AHRR: variants seen among roughly 807,000 people sequenced by gnomAD.
AHRR encodes aryl hydrocarbon receptor repressor.
In AHRR, 28 loss-of-function variants were observed where a neutral mutation model predicts 44.0. The observed-to-expected ratio is 0.64, with a 90% CI of 0.47 to 0.87. The LOEUF (loss-of-function observed/expected upper bound fraction) is 0.87, where lower values mean the gene tolerates loss of function less well. AHRR is among the 40% of genes least tolerant of loss of function. The pLI is 0.00. For missense variants in AHRR, 990 were observed against 953.9 expected, an observed-to-expected ratio of 1.04 and a Z score of -0.50; for synonymous variants, 434 against 407.0, an observed-to-expected ratio of 1.07 and a Z score of -0.80.
chr5:330,301 C>G (rs1416470375), intron 1 of AHRR, among the ~76,000 whole-genome samples: 1 of 152,112 alleles, frequency 6.6e-6, no homozygotes, highest in African/African-American at 2.4e-5. Context: ...ATCCTTGTAT[C>G]CCTGATACAA....
chr5:421,860 G>A (rs1452285793), intron 5 of AHRR, among the ~76,000 whole-genome samples: 1 of 152,204 alleles, frequency 6.6e-6, no homozygotes, highest in Non-Finnish European at 1.5e-5. Flanking sequence ...ACATTCCTCT[G>A]AAGTCTTGAC....
intron 1 of AHRR, chr5:322,807 C>G (rs983230509): frequency 1.3e-5 from 2 of 152,260 alleles, no homozygotes; most frequent in Admixed American, 1.3e-4. Context: ...AACTGGAGAA[C>G]GTAGGATGCT....
In AHRR at chr5:363,222, G is replaced by A. The variant is rs111476101; in HGVS notation, c.244+9311G>A. 8.5e-5 allele frequency among the ~76,000 whole-genome samples: 13 copies of A among 152,346 alleles called. 1 individual carries two copies. The highest frequency in any genetic ancestry group is 3.1e-4 in the African/African-American group (13 of 41,582). On this transcript the variant is annotated intron_variant, in intron 3 of 10. Transcript: ENST00000684583. The stretch of plus-strand genomic sequence containing the variant: ...CCAGTGGGAGGAACAAGAGGGATAA[G>A]AGGTAAGGACAGGAGAGGTTCTGTA...
chr5:390,438 C>T (rs1195012562), intron 4 of AHRR, among the ~76,000 whole-genome samples: 16 of 152,286 alleles, frequency 1.1e-4, no homozygotes, highest in Middle Eastern at 3.4e-3. Context: ...GAAAATCAGT[C>T]GCTGCAGAAA....
chr5:421,550 C>G (rs968757766), intron 5 of AHRR, among the ~76,000 whole-genome samples: 40 of 152,362 alleles, frequency 2.6e-4, no homozygotes, highest in African/African-American at 8.7e-4. Context: ...CTAGGTTACC[C>G]TCCAGTTACA....
intron 5 of AHRR, 150 bp downstream of exon 5, chr5:413,583 C>A: frequency 1.5e-6 from 1 of 645,902 alleles, no homozygotes; most frequent in Non-Finnish European, 2.6e-6. Context: ...CACACCCCAG[C>A]TTTGTCTAGG....
At chr5:355,430 G>A (rs1312490018) in intron 3 of AHRR, among the ~76,000 whole-genome samples, 1 of 152,240 alleles carries the variant, frequency 6.6e-6, no homozygotes, top group Non-Finnish European at 1.5e-5. Context: ...TCTGGACAGC[G>A]CAGGAAGGGC....
At chr5:399,997 T>C (rs949964347) in intron 4 of AHRR, among the ~76,000 whole-genome samples, 5 of 152,186 alleles carry the variant, frequency 3.3e-5, no homozygotes, top group African/African-American at 1.2e-4. Flanking sequence ...GAGCGGCCCC[T>C]GTGAGTGATC....
At chr5:376,516 G>C in intron 3 of AHRR, 94 bp from the exon 4 acceptor site, 1 of 1,343,718 alleles carries the variant, frequency 7.4e-7, no homozygotes, top group Non-Finnish European at 1.0e-6. Context: ...AGAACCGTGG[G>C]GTGAACGCGG....
At chr5:344,217 C>T (rs1444742189) in intron 2 of AHRR, among the ~76,000 whole-genome samples, 1 of 150,366 alleles carries the variant, frequency 6.7e-6, no homozygotes, top group Non-Finnish European at 1.5e-5. Context: ...CGGCGGGCAC[C>T]GTGAGGCGCT....
At chr5:343,712 C>CGGGGTGCTGGAGAGCA in intron 1 of AHRR, 181 bp from the exon 2 acceptor site, 2 of 580,876 alleles carry the variant, frequency 3.4e-6, no homozygotes, top group Non-Finnish European at 5.8e-6. Flanking sequence ...CTCCTCGGTG[C>CGGGGTGCTGGAGAGCA]GGGGTGCTGG....
intron 4 of AHRR, among the ~76,000 whole-genome samples, chr5:378,206 C>G (rs1035214780): frequency 6.6e-6 from 1 of 152,224 alleles, no homozygotes; most frequent in Non-Finnish European, 1.5e-5. Context: ...ACAACAGCAG[C>G]AAATCCCAGC....
At chr5:418,858 C>T (rs1205411589) in intron 5 of AHRR, 1 of 152,932 alleles carries the variant, frequency 6.5e-6, no homozygotes, top group African/African-American at 2.4e-5. Flanking sequence ...ACCCAGGCCT[C>T]CAGCACTGCC....
intron 4 of AHRR, chr5:403,694 T>TTC (rs1419364964): frequency 7.3e-6 from 6 of 816,350 alleles, no homozygotes; most frequent in Non-Finnish European, 1.1e-5. Context: ...TTTTTTTTTT[T>TTC]TACTTTCTCT....
At chr5:429,053 G>A (rs563751550) in intron 8 of AHRR, among the ~76,000 whole-genome samples, 2 of 152,392 alleles carry the variant, frequency 1.3e-5, no homozygotes, top group Non-Finnish European at 1.5e-5. Context: ...TGTGGCTGGG[G>A]GCTGGGGACC....
Position 403,599 on chromosome 5 carries a change from CT to C in AHRR, c.352-9744del, listed in dbSNP as rs879533214. 3.8e-4 allele frequency: 170 copies of C among 444,894 alleles called. 2 individuals are homozygous for C. In the Middle Eastern group the frequency reaches 4.0e-3, roughly 10 times the overall value. The allele number at this position is 444,894 out of a possible 1,614,324, so 27.6% of individuals were successfully genotyped here. On this transcript the variant is annotated intron_variant, in intron 4 of 10. Coordinates refer to ENST00000684583, the MANE Select transcript of AHRR (RefSeq NM_001377236.1). ...TGCAGTGAGCCGAGATCGCACCACA[CT>C]GTACTCCAGCCTAGGTGACAGAATG...
At chr5:350,886 G>T (rs1451218995) in intron 2 of AHRR, among the ~76,000 whole-genome samples, 1 of 150,678 alleles carries the variant, frequency 6.6e-6, no homozygotes, top group Non-Finnish European at 1.5e-5. Flanking sequence ...AGTAGTTAAA[G>T]AATCCTCACA....
chr5:368,585 A>T (rs928202366), intron 3 of AHRR, among the ~76,000 whole-genome samples: 5 of 152,262 alleles, frequency 3.3e-5, no homozygotes, highest in Admixed American at 6.5e-5. Flanking sequence ...TGGATTTGCA[A>T]TGTGTGCAAG....
At position 432,464 on chromosome 5, in the gene AHRR, G is replaced by C. The variant is rs780681836; in HGVS notation, c.910G>C (p.Val304Leu). ...CATGTTCATCTGTGTTCTTCACAGA[G>C]TAAAAGCCACCACCAGTCTGTGCGA... The part of the protein sequence containing the change: ...ADTAATADAK[V>L]KATTSLCESE... Residue 304 changes from valine (V) to leucine (L), a missense_variant and splice_region_variant, in exon 9 of 11, where the codon GTA becomes CTA. By Grantham distance (32) the Val-to-Leu change is conservative (BLOSUM62 1). Coordinates refer to ENST00000684583, the MANE Select transcript of AHRR (RefSeq NM_001377236.1). 6.2e-7 allele frequency: 1 copy of C among 1,614,028 alleles called. No individual in the cohort carries two copies. Among genetic ancestry groups the C allele is most frequent in the African/African-American group, 1.3e-5 (1 of 74,924 alleles).
Sources: allele counts gnomAD v4.1 joint callset (sites outside exome capture counted in the v4.1 genomes callset), GRCh38; gene constraint gnomAD v4.1.1; transcripts MANE v1.5; gene names NCBI Gene and HGNC (gene_info 2026-07-23, HGNC 2026-07-21).